ANO10: variants seen among roughly 807,000 people sequenced by gnomAD.
The protein encoded by ANO10 is anoctamin 10.
Under a neutral mutation model 74.7 loss-of-function variants are expected in ANO10, and 77 were observed. The ratio of observed to expected loss-of-function variants is 1.03; its 90% CI spans 0.86 to 1.25. The LOEUF is 1.25. Among genes scored for constraint, ANO10 ranks in the 50% most tolerant of loss-of-function variants. The pLI, the probability that ANO10 is intolerant of heterozygous loss-of-function variation, is 0.00. For missense variants in ANO10, 721 were observed against 778.1 expected (o/e 0.93, Z 0.87); for synonymous variants, 279 against 284.9 (o/e 0.98, Z 0.21).
intron 11 of ANO10, among the ~76,000 whole-genome samples, chr3:43,466,296 G>A (rs1433007367): frequency 4.6e-5 from 7 of 150,590 alleles, no homozygotes; most frequent in Non-Finnish European, 8.9e-5. Context: ...GCTTGAACCC[G>A]GGAGGCAGAG....
intron 11 of ANO10, among the ~76,000 whole-genome samples, chr3:43,525,057 T>C (rs2078129214): frequency 1.3e-5 from 2 of 152,174 alleles, no homozygotes; most frequent in African/African-American, 4.8e-5. Context: ...GTTTTGGTTT[T>C]ACAAACTGCA....
chr3:43,686,232 A>C (rs1238577850), intron 1 of ANO10, among the ~76,000 whole-genome samples: 1 of 152,152 alleles, frequency 6.6e-6, no homozygotes, highest in Non-Finnish European at 1.5e-5. Flanking sequence ...CCTTAAAAAC[A>C]ACTTGGAACC....
At chr3:43,525,819 T>C (rs2078173089) in intron 11 of ANO10, among the ~76,000 whole-genome samples, 1 of 152,184 alleles carries the variant, frequency 6.6e-6, no homozygotes, top group African/African-American at 2.4e-5. Flanking sequence ...GTTTTCAATA[T>C]CAAAATGCCT....
chr3:43,577,914 A>C (rs2081089317), intron 5 of ANO10, among the ~76,000 whole-genome samples: 1 of 152,168 alleles, frequency 6.6e-6, no homozygotes, highest in South Asian at 2.1e-4. Context: ...ATGTTCTGTG[A>C]ACTCAACACA....
chr3:43,466,187 A>G (rs1180091001), intron 11 of ANO10, among the ~76,000 whole-genome samples: 1 of 151,976 alleles, frequency 6.6e-6, no homozygotes, highest in Admixed American at 6.6e-5. Context: ...CCCGGCCAAC[A>G]TGGTGAAACC....
intron 1 of ANO10, among the ~76,000 whole-genome samples, chr3:43,635,325 G>A (rs1201925371): frequency 3.3e-5 from 5 of 152,032 alleles, no homozygotes; most frequent in Admixed American, 1.3e-4. Flanking sequence ...AATGCTAATC[G>A]TCTGAACTCT....
intron 7 of ANO10, among the ~76,000 whole-genome samples, chr3:43,569,114 C>A (rs1408265623): frequency 6.8e-4 from 92 of 136,152 alleles, no homozygotes; most frequent in South Asian, 2.2e-3. Flanking sequence ...TCGACACATA[C>A]ACTCTCCCAA....
chr3:43,438,941 G>A (rs1043794523), intron 11 of ANO10, among the ~76,000 whole-genome samples: 1 of 152,066 alleles, frequency 6.6e-6, no homozygotes, highest in Non-Finnish European at 1.5e-5. Context: ...AGTTCCAGAG[G>A]AGAAGAGACA....
intron 11 of ANO10, among the ~76,000 whole-genome samples, chr3:43,505,721 G>T (rs1443979705): frequency 1.3e-5 from 2 of 152,196 alleles, no homozygotes; most frequent in Non-Finnish European, 2.9e-5. Flanking sequence ...CTGTCAGCCA[G>T]TGGGTTTGAA....
At chr3:43,562,383 C>T (rs1306960166) in intron 8 of ANO10, among the ~76,000 whole-genome samples, 1 of 143,440 alleles carries the variant, frequency 7.0e-6, no homozygotes, top group East Asian at 2.1e-4. Context: ...ACCCAGGAGG[C>T]GGAGCTTGCA....
At chr3:43,632,634 T>G (rs1224577532) in intron 1 of ANO10, among the ~76,000 whole-genome samples, 1 of 152,238 alleles carries the variant, frequency 6.6e-6, no homozygotes, top group Non-Finnish European at 1.5e-5. Context: ...GCCATCTGTT[T>G]CCTGCCAGGA....
intron 1 of ANO10, among the ~76,000 whole-genome samples, chr3:43,649,287 C>G (rs2083760308): frequency 1.3e-5 from 2 of 152,202 alleles, no homozygotes; most frequent in South Asian, 4.1e-4. Context: ...GTTTACCTCA[C>G]AGATTATTTA....
chr3:43,467,152 T>C (rs571114583), intron 11 of ANO10, among the ~76,000 whole-genome samples: 1 of 152,352 alleles, frequency 6.6e-6, no homozygotes, highest in African/African-American at 2.4e-5. Flanking sequence ...TTGAAGTTTA[T>C]GTAAAATGTT....
intron 11 of ANO10, among the ~76,000 whole-genome samples, chr3:43,473,336 C>A (rs1366035687): frequency 6.6e-6 from 1 of 152,136 alleles, no homozygotes; most frequent in Non-Finnish European, 1.5e-5. Flanking sequence ...ACACTCTCCT[C>A]CTGGATGTCA....
Position 43,477,495 on chromosome 3 carries a change from A to G in ANO10, c.1798-44768T>C, listed in dbSNP as rs76528310. On this transcript the variant is annotated intron_variant, in intron 11 of 12. Transcript: ENST00000292246. ...TTAAGATAATTGTTAATAACAGCTG[A>G]CGTGTTATATTTTAAGTGCTAAATC... Among the ~76,000 whole-genome samples, 79 of 152,286 alleles carry G rather than the reference A, an allele frequency of 5.2e-4. No individual in the cohort carries two copies. In the East Asian group the frequency reaches 0.015, roughly 28 times the overall value.
chr3:43,616,355 CTT>C (rs1472859546), intron 1 of ANO10, among the ~76,000 whole-genome samples: 1 of 152,200 alleles, frequency 6.6e-6, no homozygotes, highest in Admixed American at 6.5e-5. Flanking sequence ...AGAAGACAAC[CTT>C]TTGTTTTTTT....
chr3:43,512,576 G>C (rs934672840), intron 11 of ANO10, among the ~76,000 whole-genome samples: 12 of 152,252 alleles, frequency 7.9e-5, no homozygotes, highest in East Asian at 7.7e-4. Flanking sequence ...ATTACGTTTT[G>C]CAGTGGTGTG....
intron 7 of ANO10, 48 bp from the exon 8 acceptor site, chr3:43,565,775 A>G (rs2080290522): frequency 1.3e-6 from 2 of 1,525,968 alleles, no homozygotes; most frequent in Non-Finnish European, 1.8e-6. Context: ...ACTGCTTTAG[A>G]GTACTTTACT....
chr3:43,415,043 C>T (rs535416121), intron 12 of ANO10, among the ~76,000 whole-genome samples: 10 of 140,716 alleles, frequency 7.1e-5, no homozygotes, highest in South Asian at 2.3e-4. Context: ...GGCATGATCT[C>T]GGCTCACTGC....
Sources: gnomAD v4.1 joint callset for allele counts (sites outside exome capture counted in the v4.1 genomes callset) on GRCh38, gnomAD v4.1.1 for gene constraint, MANE v1.5 for transcripts, NCBI Gene and HGNC (gene_info 2026-07-23, HGNC 2026-07-21) for gene names.